CSMD1: variants seen among roughly 807,000 people sequenced by gnomAD.
The protein encoded by CSMD1 is CUB and sushi domain-containing protein 1.
Under a neutral mutation model 417.5 loss-of-function variants are expected in CSMD1, and 213 were observed. The observed-to-expected ratio is 0.51, with a 90% CI of 0.46 to 0.57. The LOEUF is 0.57. Among genes scored for constraint, CSMD1 ranks in the 20% least tolerant of loss-of-function variants. The pLI is 0.00. For synonymous variants in CSMD1, 2,862 were observed against 1,736.8 expected (o/e 1.65, Z -16.11); for missense variants, 6,923 against 4,529.7 (o/e 1.53, Z -15.17).
intron 7 of CSMD1, among the ~76,000 whole-genome samples, chr8:3,644,607 G>C (rs1256669880): frequency 2.6e-5 from 4 of 152,120 alleles, no homozygotes; most frequent in South Asian, 2.1e-4. Context: ...GAATGAACGG[G>C]ATAAGAGATG....
chr8:4,596,538 G>C (rs1238058176), intron 2 of CSMD1, among the ~76,000 whole-genome samples: 2 of 148,112 alleles, frequency 1.4e-5, no homozygotes, highest in African/African-American at 2.4e-5. Flanking sequence ...TTCTCACCAA[G>C]CTATAAGCTT....
At chr8:3,706,344 C>T (rs1370576991) in intron 7 of CSMD1, among the ~76,000 whole-genome samples, 1 of 152,330 alleles carries the variant, frequency 6.6e-6, no homozygotes, top group East Asian at 1.9e-4. Flanking sequence ...TCGCTTCAAA[C>T]CCTATGTCCT....
At chr8:3,075,337 A>C (rs1187350861) in intron 49 of CSMD1, among the ~76,000 whole-genome samples, 1 of 149,388 alleles carries the variant, frequency 6.7e-6, no homozygotes, top group Non-Finnish European at 1.5e-5. Context: ...AGTGGAGTGC[A>C]ACGGTGTGAT....
At chr8:4,833,074 A>G (rs1247789509) in intron 1 of CSMD1, among the ~76,000 whole-genome samples, 6 of 152,188 alleles carry the variant, frequency 3.9e-5, no homozygotes, top group African/African-American at 1.4e-4. Context: ...ACCACTTGCC[A>G]ATTCTAACTT....
chr8:4,678,228 T>C (rs943760526), intron 1 of CSMD1, among the ~76,000 whole-genome samples: 8 of 151,982 alleles, frequency 5.3e-5, no homozygotes, highest in African/African-American at 1.9e-4. Context: ...CTGGCCAACC[T>C]GGTGAAACCC....
intron 3 of CSMD1, among the ~76,000 whole-genome samples, chr8:4,350,195 C>A (rs969311736): frequency 6.6e-6 from 1 of 152,048 alleles, no homozygotes; most frequent in Non-Finnish European, 1.5e-5. Context: ...TTTTGCTGTA[C>A]AATTGCAAGG....
At chr8:4,107,285 G>A (rs918040390) in intron 3 of CSMD1, among the ~76,000 whole-genome samples, 4 of 152,118 alleles carry the variant, frequency 2.6e-5, no homozygotes, top group African/African-American at 9.7e-5. Flanking sequence ...ATTTCAACAC[G>A]CTGCACTGCC....
At position 4,613,300 on chromosome 8, in the gene CSMD1, T is replaced by G. The variant is rs747366088; in HGVS notation, c.302+24042A>C. On this transcript the variant is annotated intron_variant, in intron 2 of 69. Coordinates refer to ENST00000635120, the MANE Select transcript of CSMD1 (RefSeq NM_033225.6). ...ACGCCATCCATGCTCCGAGTGCCCA[T>G]TGCACTAGAGTAGACACCACCGCAG... Among the ~76,000 whole-genome samples the G allele has an allele frequency of 3.3e-5, 5 of 152,280 alleles. No individual in the cohort carries two copies. The South Asian group carries it at 8.3e-4, about 25-fold the overall frequency.
intron 3 of CSMD1, among the ~76,000 whole-genome samples, chr8:4,164,896 T>C (rs893590119): frequency 6.6e-6 from 1 of 150,690 alleles, no homozygotes; most frequent in Non-Finnish European, 1.5e-5. Context: ...AAAAAATATA[T>C]ATATATGTAT....
chr8:4,140,533 T>G (rs1406170271), intron 3 of CSMD1, among the ~76,000 whole-genome samples: 2 of 150,842 alleles, frequency 1.3e-5, no homozygotes, highest in East Asian at 3.9e-4. Flanking sequence ...CTGAGTGTGG[T>G]GGTGTGCACC....
intron 1 of CSMD1, among the ~76,000 whole-genome samples, chr8:4,825,112 C>T (rs766865739): frequency 6.6e-6 from 1 of 152,086 alleles, no homozygotes; most frequent in Non-Finnish European, 1.5e-5. Context: ...ATGAACAACA[C>T]AAATCAAGGT....
chr8:3,209,760 A>C (rs1797498235), intron 30 of CSMD1, among the ~76,000 whole-genome samples: 1 of 152,248 alleles, frequency 6.6e-6, no homozygotes. Flanking sequence ...GGTAATTAAC[A>C]TATTAAACAG....
intron 1 of CSMD1, among the ~76,000 whole-genome samples, chr8:4,916,509 A>G (rs1038038766): frequency 1.3e-5 from 2 of 152,240 alleles, no homozygotes; most frequent in Non-Finnish European, 2.9e-5. Flanking sequence ...CCTCATGGAA[A>G]TATGAAAGCT....
chr8:4,293,493 G>A (rs903308530), intron 3 of CSMD1, among the ~76,000 whole-genome samples: 21 of 152,028 alleles, frequency 1.4e-4, no homozygotes, highest in Admixed American at 2.6e-4. Context: ...CTCAGTATGC[G>A]TTTCTTTTTA....
At chr8:4,770,644 C>G (rs1796551962) in intron 1 of CSMD1, among the ~76,000 whole-genome samples, 1 of 151,834 alleles carries the variant, frequency 6.6e-6, no homozygotes, top group Non-Finnish European at 1.5e-5. Flanking sequence ...GAATAGAGAG[C>G]TGAAATAAAT....
At chr8:4,422,172 G>A (rs766507106) in intron 2 of CSMD1, among the ~76,000 whole-genome samples, 3 of 152,104 alleles carry the variant, frequency 2.0e-5, no homozygotes, top group Non-Finnish European at 4.4e-5. Flanking sequence ...TCCCACTGGA[G>A]AATTCTACAT....
chr8:3,735,760 T>A (rs1012843238), intron 6 of CSMD1, among the ~76,000 whole-genome samples: 4 of 152,210 alleles, frequency 2.6e-5, no homozygotes, highest in African/African-American at 9.6e-5. Flanking sequence ...GCCTTTACAA[T>A]GTTGCTGCAG....
chr8:3,967,348 C>A (rs896948586), intron 5 of CSMD1, among the ~76,000 whole-genome samples: 1 of 152,044 alleles, frequency 6.6e-6, no homozygotes, highest in Non-Finnish European at 1.5e-5. Flanking sequence ...CATTCCGACC[C>A]TGAACTTGTA....
At chr8:4,459,410 G>C (rs146761538) in intron 2 of CSMD1, among the ~76,000 whole-genome samples, 3 of 152,228 alleles carry the variant, frequency 2.0e-5, no homozygotes, top group African/African-American at 4.8e-5. Flanking sequence ...AGCTGAGAGT[G>C]TCTCTGCCCC....
Sources: gnomAD v4.1 joint callset for allele counts (sites outside exome capture counted in the v4.1 genomes callset) on GRCh38, gnomAD v4.1.1 for gene constraint, MANE v1.5 for transcripts, NCBI Gene and HGNC (gene_info 2026-07-23, HGNC 2026-07-21) for gene names.